CPD: variants seen among roughly 807,000 people sequenced by gnomAD.
CPD encodes metallocarboxypeptidase D.
CPD carries 69 observed loss-of-function variants against 138.3 expected under a neutral mutation model. That is an observed-to-expected ratio of 0.50 (90% CI 0.41 to 0.61). The LOEUF is 0.61. Among genes scored for constraint, CPD ranks in the 20% least tolerant of loss-of-function variants. The probability of loss-of-function intolerance (pLI) is 0.00; values close to 1 mark genes in which losing one functional copy is unlikely to be tolerated. For synonymous variants in CPD, 651 were observed against 642.1 expected, an observed-to-expected ratio of 1.01 and a Z score of -0.21; for missense variants, 1,432 against 1,733.3, an observed-to-expected ratio of 0.83 and a Z score of 3.09.
At chr17:30,381,225 T>C (rs947213967) in intron 1 of CPD, among the ~76,000 whole-genome samples, 1 of 152,198 alleles carries the variant, frequency 6.6e-6, no homozygotes, top group African/African-American at 2.4e-5. Flanking sequence ...CATACACTTA[T>C]TGACAGAGCT....
In CPD at chr17:30,441,836, C is replaced by T. The variant is rs577962633; in HGVS notation, c.2231-472C>T. On this transcript the variant is annotated intron_variant, in intron 9 of 20. Coordinates refer to ENST00000225719, the MANE Select transcript of CPD (RefSeq NM_001304.5). ...GCCAGTATTTTATTGAGGATTTTTG[C>T]ATCAATGTTCATCAAGGATATTGGT... Among the ~76,000 whole-genome samples, 892 of 148,456 alleles carry T rather than the reference C, an allele frequency of 6.0e-3. 5 individuals are homozygous for T. The highest frequency in any genetic ancestry group is 0.02 in the African/African-American group (812 of 40,218).
At chr17:30,464,153 G>A (rs558160110) in intron 20 of CPD, among the ~76,000 whole-genome samples, 1 of 152,248 alleles carries the variant, frequency 6.6e-6, no homozygotes, top group East Asian at 1.9e-4. Context: ...CACTTTGGGA[G>A]GCCGAGGCAG....
intron 2 of CPD, among the ~76,000 whole-genome samples, chr17:30,391,780 G>A (rs1196604880): frequency 1.3e-5 from 2 of 152,168 alleles, no homozygotes; most frequent in Non-Finnish European, 2.9e-5. Context: ...GGAGGCTCAA[G>A]TGAGAATGTG....
intron 2 of CPD, among the ~76,000 whole-genome samples, chr17:30,420,044 G>A (rs1294978301): frequency 2.6e-5 from 4 of 152,242 alleles, no homozygotes; most frequent in African/African-American, 9.6e-5. Context: ...CCACTTTTTA[G>A]TCTTTATCCA....
Position 30,467,024 on chromosome 17 carries a change from T to C in CPD, c.*2210T>C, listed in dbSNP as rs1913659379. On this transcript the variant is annotated 3_prime_UTR_variant, in exon 21 of 21. Coordinates refer to ENST00000225719, the MANE Select transcript of CPD (RefSeq NM_001304.5). ...TGTATTACCTAGAAGCGTGAATGTA[T>C]AGGATACCTGACTACTAAGACTATA... 6.6e-6 allele frequency: 1 copy of C among 152,626 alleles called. No individual in the cohort carries two copies. The highest frequency in any genetic ancestry group is 1.5e-5 in the Non-Finnish European group (1 of 68,008). 9.5% of individuals were successfully genotyped at this position (152,626 alleles called of 1,614,324 possible). A position where few individuals can be genotyped will look rare whatever the true frequency, so the allele number is the denominator to read the frequency against.
intron 2 of CPD, among the ~76,000 whole-genome samples, chr17:30,392,861 G>A (rs1431037706): frequency 3.9e-5 from 6 of 152,184 alleles, no homozygotes; most frequent in East Asian, 1.9e-4. Flanking sequence ...CCTAAAATAC[G>A]AATGAGTGTT....
chr17:30,452,150 G>A lies in CPD; in HGVS notation c.3205+304G>A, dbSNP rs150425444. 3.5e-3 allele frequency among the ~76,000 whole-genome samples: 533 copies of A among 152,180 alleles called. 3 individuals are homozygous for A. The highest frequency in any genetic ancestry group is 0.012 in the African/African-American group (511 of 41,512). ...TATGTATGTGTGTATGTGTATACAC[G>A]CACAACACACACGTATGTATATTGA... On this transcript the variant is annotated intron_variant, in intron 14 of 20. Transcript: ENST00000225719.
intron 2 of CPD, among the ~76,000 whole-genome samples, chr17:30,395,010 G>A (rs1911460827): frequency 6.6e-6 from 1 of 151,994 alleles, no homozygotes; most frequent in Non-Finnish European, 1.5e-5. Context: ...GGCAGTTAGG[G>A]AATAGGTTCT....
intron 2 of CPD, among the ~76,000 whole-genome samples, chr17:30,402,144 C>T (rs1476388565): frequency 1.3e-5 from 2 of 151,808 alleles, no homozygotes; most frequent in East Asian, 3.9e-4. Context: ...CATTTCCATT[C>T]TTCCATTAAA....
intron 6 of CPD, 72 bp from the exon 7 acceptor site, chr17:30,427,319 T>G (rs1280886366): frequency 4.3e-6 from 6 of 1,406,120 alleles, no homozygotes; most frequent in Non-Finnish European, 6.0e-6. Flanking sequence ...TTAAGGTATC[T>G]AAAGTAGTAC....
At chr17:30,392,911 T>G (rs1342938683) in intron 2 of CPD, among the ~76,000 whole-genome samples, 2 of 152,238 alleles carry the variant, frequency 1.3e-5, no homozygotes, top group Admixed American at 1.3e-4. Context: ...GTCAGGCCTA[T>G]GTATTGCTCA....
intron 17 of CPD, among the ~76,000 whole-genome samples, chr17:30,460,831 A>G (rs866812213): frequency 1.3e-5 from 2 of 152,152 alleles, no homozygotes; most frequent in Non-Finnish European, 2.9e-5. Flanking sequence ...CAACTGTGAC[A>G]TTTCTGGGTT....
At chr17:30,431,691 T>A in intron 7 of CPD, 81 bp from the exon 8 acceptor site, 1 of 890,146 alleles carries the variant, frequency 1.1e-6, no homozygotes, top group Non-Finnish European at 1.8e-6. Flanking sequence ...TTCTCTTCTC[T>A]GGCAGTATTC....
intron 2 of CPD, among the ~76,000 whole-genome samples, chr17:30,414,513 G>A (rs967912248): frequency 2.6e-5 from 4 of 151,988 alleles, no homozygotes; most frequent in Non-Finnish European, 5.9e-5. Flanking sequence ...AATCCGGGAG[G>A]CAGAGCTTGC....
At chr17:30,421,976 TAAG>T (rs1461363975) in intron 4 of CPD, 143 bp downstream of exon 4, 36 of 687,114 alleles carry the variant, frequency 5.2e-5, no homozygotes, top group Non-Finnish European at 1.2e-5. Flanking sequence ...CGTTTTATAA[TAAG>T]AAAATACTAT....
chr17:30,456,576 C>T, intron 17 of CPD, 50 bp downstream of exon 17: 2 of 1,566,328 alleles, frequency 1.3e-6, no homozygotes, highest in East Asian at 4.5e-5. Context: ...AGGCACAATG[C>T]CGTATGTGTA....
At chr17:30,391,728 C>T (rs953051139) in intron 2 of CPD, among the ~76,000 whole-genome samples, 102 of 152,148 alleles carry the variant, frequency 6.7e-4, no homozygotes, top group Non-Finnish European at 5.4e-4. Context: ...TCAATTCCCA[C>T]TTATATAAAA....
chr17:30,434,647 GA>G (rs1306446189), intron 8 of CPD, among the ~76,000 whole-genome samples: 2 of 151,756 alleles, frequency 1.3e-5, no homozygotes, highest in Non-Finnish European at 2.9e-5. Context: ...TCTGGAGAAG[GA>G]AAAAAAGAGG....
At chr17:30,422,603 G>C (rs1053146104) in intron 4 of CPD, 71 bp from the exon 5 acceptor site, 2 of 973,202 alleles carry the variant, frequency 2.1e-6, no homozygotes, top group African/African-American at 3.3e-5. Context: ...AAAGGCTACT[G>C]TGCTTTTATA....
Sources: allele counts gnomAD v4.1 joint callset (sites outside exome capture counted in the v4.1 genomes callset), GRCh38; gene constraint gnomAD v4.1.1; transcripts MANE v1.5; gene names NCBI Gene and HGNC (gene_info 2026-07-23, HGNC 2026-07-21).